The following UGGT2 variants were observed in gnomAD, a reference collection of about 807,000 sequenced individuals.
The protein encoded by UGGT2 is UDP-glucose glycoprotein glucosyltransferase 2, also known as UDP-glucose:glycoprotein glucosyltransferase 2.
Under a neutral mutation model 192.1 loss-of-function variants are expected in UGGT2, and 180 were observed. That is an observed-to-expected ratio of 0.94 (90% CI 0.83 to 1.06). UGGT2 has a LOEUF of 1.06. Among genes scored for constraint, UGGT2 ranks in the 50% least tolerant of loss-of-function variants. UGGT2 has a pLI of 0.00. For missense variants in UGGT2, 1,849 were observed against 1,795.7 expected (o/e 1.03, Z -0.54); for synonymous variants, 580 against 591.0 (o/e 0.98, Z 0.27).
At chr13:95,875,369 C>A (rs1003715420) in intron 29 of UGGT2, among the ~76,000 whole-genome samples, 3 of 152,064 alleles carry the variant, frequency 2.0e-5, no homozygotes, top group Non-Finnish European at 4.4e-5. Context: ...AAGATTTTCT[C>A]CCAGTCTGTG....
chr13:96,044,303 T>G (rs566034191), intron 1 of UGGT2, among the ~76,000 whole-genome samples: 1 of 152,318 alleles, frequency 6.6e-6, no homozygotes, highest in East Asian at 1.9e-4. Flanking sequence ...AAAATGTTTT[T>G]GAACCGAACA....
intron 1 of UGGT2, among the ~76,000 whole-genome samples, chr13:96,052,814 A>C (rs185630071): frequency 6.6e-5 from 10 of 152,376 alleles, no homozygotes; most frequent in Admixed American, 6.5e-4. Flanking sequence ...AGGTACTTTA[A>C]GCACTGTCTG....
intron 16 of UGGT2, among the ~76,000 whole-genome samples, chr13:95,939,047 C>T (rs1329093511): frequency 6.6e-6 from 1 of 152,216 alleles, no homozygotes; most frequent in Non-Finnish European, 1.5e-5. Context: ...AGAGCTTCTA[C>T]TGACATGAGT....
At chr13:95,987,891 C>A (rs1163876571) in intron 8 of UGGT2, among the ~76,000 whole-genome samples, 1 of 152,164 alleles carries the variant, frequency 6.6e-6, no homozygotes, top group African/African-American at 2.4e-5. Context: ...CCTATCTGAA[C>A]TGCATCAATA....
intron 8 of UGGT2, among the ~76,000 whole-genome samples, chr13:95,988,996 T>C (rs2051375991): frequency 6.6e-6 from 1 of 152,162 alleles, no homozygotes; most frequent in Non-Finnish European, 1.5e-5. Context: ...ATCCTTTTAG[T>C]TGTTATTTTA....
intron 12 of UGGT2, among the ~76,000 whole-genome samples, chr13:95,963,703 A>C (rs1292191869): frequency 6.6e-6 from 1 of 152,242 alleles, no homozygotes; most frequent in Non-Finnish European, 1.5e-5. Context: ...ATATAAAATC[A>C]GCACACAAAA....
At chr13:95,986,305 G>A (rs1167272802) in intron 9 of UGGT2, 28 bp downstream of exon 9, 1 of 1,414,138 alleles carries the variant, frequency 7.1e-7, no homozygotes, top group Non-Finnish European at 9.9e-7. Context: ...AGTTATAGCT[G>A]CAATGAAACC....
At chr13:95,810,533 T>C (rs931709336) in intron 38 of UGGT2, among the ~76,000 whole-genome samples, 1 of 152,230 alleles carries the variant, frequency 6.6e-6, no homozygotes. Flanking sequence ...ACATATGTTT[T>C]ATGCATTCAT....
chr13:96,049,025 A>G (rs1361316048), intron 1 of UGGT2, among the ~76,000 whole-genome samples: 1 of 152,186 alleles, frequency 6.6e-6, no homozygotes, highest in Non-Finnish European at 1.5e-5. Flanking sequence ...CAGAGACACA[A>G]CAAAAAAAGA....
At chr13:95,828,052 C>T (rs1358904487) in intron 38 of UGGT2, among the ~76,000 whole-genome samples, 1 of 152,166 alleles carries the variant, frequency 6.6e-6, no homozygotes, top group East Asian at 1.9e-4. Flanking sequence ...TAGTCACAAA[C>T]TGCTCAGGGA....
At chr13:96,018,881 A>C (rs999645553) in intron 4 of UGGT2, among the ~76,000 whole-genome samples, 3 of 151,830 alleles carry the variant, frequency 2.0e-5, no homozygotes, top group African/African-American at 7.2e-5. Context: ...TAAAAACCTA[A>C]TCTGGAAAAA....
At chr13:96,010,909 T>A (rs2052141260) in intron 5 of UGGT2, among the ~76,000 whole-genome samples, 1 of 152,198 alleles carries the variant, frequency 6.6e-6, no homozygotes. Context: ...AGTATTGATG[T>A]TGGGACAGAC....
intron 36 of UGGT2, among the ~76,000 whole-genome samples, chr13:95,840,105 T>G (rs896777709): frequency 6.6e-6 from 1 of 152,128 alleles, no homozygotes; most frequent in Admixed American, 6.5e-5. Context: ...GAAGAAAACC[T>G]AGGCAATACC....
chr13:95,899,376 G>A (rs899209043), intron 22 of UGGT2, among the ~76,000 whole-genome samples: 1 of 152,114 alleles, frequency 6.6e-6, no homozygotes, highest in Non-Finnish European at 1.5e-5. Context: ...CCATGAAAAC[G>A]TAGTTGTTTA....
intron 10 of UGGT2, among the ~76,000 whole-genome samples, chr13:95,977,956 A>G (rs1035732151): frequency 3.9e-5 from 6 of 152,168 alleles, no homozygotes; most frequent in African/African-American, 1.4e-4. Context: ...AAAGTGAAAC[A>G]CTGCATGTTC....
chr13:96,041,055 AC>A (rs1376159047), intron 1 of UGGT2, among the ~76,000 whole-genome samples: 1 of 152,158 alleles, frequency 6.6e-6, no homozygotes, highest in Non-Finnish European at 1.5e-5. Flanking sequence ...TGAATTCTGA[AC>A]CTTTGCTCCA....
chr13:95,832,517 T>C (rs555906823), intron 38 of UGGT2, among the ~76,000 whole-genome samples: 9 of 152,186 alleles, frequency 5.9e-5, no homozygotes, highest in African/African-American at 2.2e-4. Flanking sequence ...CTGTTATATA[T>C]GAGATTAATT....
At chr13:96,026,965 C>T (rs976030034) in intron 2 of UGGT2, among the ~76,000 whole-genome samples, 2 of 152,150 alleles carry the variant, frequency 1.3e-5, no homozygotes, top group African/African-American at 4.8e-5. Flanking sequence ...GCCACCGCGC[C>T]CAGCCCACTC....
intron 1 of UGGT2, among the ~76,000 whole-genome samples, chr13:96,036,566 TAA>T (rs199871760): frequency 1.4e-5 from 2 of 142,136 alleles, no homozygotes; most frequent in African/African-American, 2.6e-5. Context: ...AAAGTTCAAG[TAA>T]AAAAAAAAAA....
Sources: allele counts gnomAD v4.1 joint callset (sites outside exome capture counted in the v4.1 genomes callset), GRCh38; gene constraint gnomAD v4.1.1; transcripts MANE v1.5; gene names NCBI Gene and HGNC (gene_info 2026-07-23, HGNC 2026-07-21).